KCNH1: variants seen among roughly 807,000 people sequenced by gnomAD.
KCNH1 encodes the protein potassium voltage-gated channel subfamily H member 1.
In KCNH1, 27 loss-of-function variants were observed where a neutral mutation model predicts 69.2. The observed-to-expected ratio is 0.39, with a 90% CI of 0.29 to 0.54. KCNH1 has a LOEUF of 0.54. KCNH1 is among the 20% of genes least tolerant of loss of function. The pLI is 0.68. For synonymous variants in KCNH1, 456 were observed against 487.7 expected, an observed-to-expected ratio of 0.93 and a Z score of 0.86; for missense variants, 798 against 1,261.6, an observed-to-expected ratio of 0.63 and a Z score of 5.57.
At chr1:210,938,291 T>TTATTTTCTTATCTAGA (rs1467592604) in intron 6 of KCNH1, among the ~76,000 whole-genome samples, 7 of 152,220 alleles carry the variant, frequency 4.6e-5, no homozygotes, top group Non-Finnish European at 1.0e-4. Flanking sequence ...AGGAAATAAA[T>TTATTTTCTTATCTAGA]TATTTTCTTA....
At chr1:210,931,060 T>A (rs1023017236) in intron 6 of KCNH1, among the ~76,000 whole-genome samples, 3 of 152,212 alleles carry the variant, frequency 2.0e-5, no homozygotes, top group Non-Finnish European at 1.5e-5. Context: ...TTTTACACTG[T>A]TGGTGAGACT....
chr1:210,967,507 T>C (rs1688430121), intron 6 of KCNH1, among the ~76,000 whole-genome samples: 1 of 152,110 alleles, frequency 6.6e-6, no homozygotes. Context: ...AAAAATCACT[T>C]TATCTCTACA....
chr1:211,087,655 A>G (rs61848583), intron 4 of KCNH1, among the ~76,000 whole-genome samples: 3 of 151,358 alleles, frequency 2.0e-5, no homozygotes, highest in African/African-American at 4.9e-5. Context: ...ACACACACAC[A>G]CACACACACC....
At chr1:210,998,275 T>G (rs568573504) in intron 6 of KCNH1, among the ~76,000 whole-genome samples, 37 of 152,280 alleles carry the variant, frequency 2.4e-4, no homozygotes, top group African/African-American at 8.9e-4. Context: ...ACATCTCACA[T>G]GCAGAGACAC....
chr1:211,124,877 A>G (rs1691750995), intron 1 of KCNH1, among the ~76,000 whole-genome samples: 1 of 152,202 alleles, frequency 6.6e-6, no homozygotes, highest in South Asian at 2.1e-4. Flanking sequence ...TGGTATAAGC[A>G]GTTTTCAAGC....
chr1:210,922,215 A>G (rs528750219), intron 6 of KCNH1, among the ~76,000 whole-genome samples: 151 of 151,870 alleles, frequency 9.9e-4, no homozygotes, highest in African/African-American at 3.5e-3. Flanking sequence ...CCCTGTCTCC[A>G]CTAAAAATAC....
At chr1:211,086,698 A>C (rs1185813523) in intron 4 of KCNH1, among the ~76,000 whole-genome samples, 2 of 152,172 alleles carry the variant, frequency 1.3e-5, no homozygotes, top group Admixed American at 6.5e-5. Context: ...TAGCTGAGCC[A>C]CCAATGAGCC....
intron 7 of KCNH1, among the ~76,000 whole-genome samples, chr1:210,898,681 C>CGG (rs35054693): frequency 0.021 from 2,924 of 138,408 alleles, 35 homozygotes; most frequent in Non-Finnish European, 0.028. Context: ...GGCGTGGCGG[C>CGG]GGGGGGGGGT....
intron 6 of KCNH1, among the ~76,000 whole-genome samples, chr1:210,998,612 A>C (rs547554144): frequency 6.6e-6 from 1 of 152,310 alleles, no homozygotes; most frequent in African/African-American, 2.4e-5. Context: ...ACAAGACAGA[A>C]AGTTAACAAG....
chr1:211,041,167 G>A (rs150605601), intron 5 of KCNH1, among the ~76,000 whole-genome samples: 56 of 152,146 alleles, frequency 3.7e-4, no homozygotes, highest in Middle Eastern at 3.4e-3. Context: ...ACCTTCCAAC[G>A]CATCCCAATC....
chr1:210,683,980 C>A lies in KCNH1; in HGVS notation c.2271G>T (p.Gly757=). The A allele has an allele frequency of 6.2e-7, 1 of 1,600,340 alleles. No individual in the cohort carries two copies. Among genetic ancestry groups the A allele is most frequent in the Non-Finnish European group, 8.6e-7 (1 of 1,169,498 alleles). The change falls in exon 11 of 11, where the codon GGG becomes GGT. Residue 757 remains glycine, a synonymous_variant. Coordinates refer to ENST00000271751, the MANE Select transcript of KCNH1 (RefSeq NM_172362.3). The surrounding 1 kb of genome is among the most constrained non-coding windows in gnomAD (Gnocchi z 5.7). ...QKEARLAAER[G]GRDLDDLDVE... ...CATCTAGGTCATCCAGGTCCCGGCCCCCTCTCTCAGCTGCCAGCCTGGCCT... is the reference window on the plus strand; with the variant it reads ...CATCTAGGTCATCCAGGTCCCGGCCACCTCTCTCAGCTGCCAGCCTGGCCT...
At chr1:210,731,002 G>A (rs1019995787) in intron 10 of KCNH1, among the ~76,000 whole-genome samples, 1 of 152,156 alleles carries the variant, frequency 6.6e-6, no homozygotes. Context: ...CATTAAAGAT[G>A]AGGTGTCTGT....
chr1:211,050,938 G>A (rs1396572329), intron 5 of KCNH1, among the ~76,000 whole-genome samples: 1 of 152,138 alleles, frequency 6.6e-6, no homozygotes, highest in East Asian at 1.9e-4. Flanking sequence ...TGTCAGAATT[G>A]TGTTCGATGG....
intron 10 of KCNH1, among the ~76,000 whole-genome samples, chr1:210,743,990 G>C (rs574381367): frequency 3.3e-5 from 5 of 152,264 alleles, no homozygotes; most frequent in African/African-American, 1.2e-4. Context: ...ATGGGCCTTA[G>C]GGCTCTCCGG....
chr1:210,918,738 G>T (rs1192016162), intron 7 of KCNH1, among the ~76,000 whole-genome samples: 1 of 152,076 alleles, frequency 6.6e-6, no homozygotes, highest in Non-Finnish European at 1.5e-5. Context: ...TTTTGAGTTG[G>T]AAAATTTCCC....
At chr1:211,036,061 C>A (rs968655119) in intron 5 of KCNH1, among the ~76,000 whole-genome samples, 1 of 152,308 alleles carries the variant, frequency 6.6e-6, no homozygotes, top group Non-Finnish European at 1.5e-5. Flanking sequence ...GGAAAGAAGG[C>A]TTTAATCGGG....
At chr1:211,076,400 A>G (rs1011735951) in intron 5 of KCNH1, among the ~76,000 whole-genome samples, 10 of 152,220 alleles carry the variant, frequency 6.6e-5, no homozygotes, top group African/African-American at 2.4e-4. Flanking sequence ...AGGATCAGGC[A>G]GCAATATTTG....
chr1:210,785,766 A>T (rs925823111), intron 9 of KCNH1, among the ~76,000 whole-genome samples: 5 of 152,078 alleles, frequency 3.3e-5, no homozygotes, highest in Admixed American at 2.6e-4. Flanking sequence ...GGGAGAACAA[A>T]CTCATGTGTA....
intron 1 of KCNH1, among the ~76,000 whole-genome samples, chr1:211,118,504 A>G (rs1301600269): frequency 6.6e-6 from 1 of 152,120 alleles, no homozygotes; most frequent in African/African-American, 2.4e-5. Flanking sequence ...TTTACCCCCT[A>G]AGGGTCTATA....
Sources: allele counts gnomAD v4.1 joint callset (sites outside exome capture counted in the v4.1 genomes callset), GRCh38; gene constraint gnomAD v4.1.1; non-coding constraint Gnocchi (gnomAD v3.1); transcripts MANE v1.5; gene names NCBI Gene and HGNC (gene_info 2026-07-23, HGNC 2026-07-21).